SMIM14: variants seen among roughly 807,000 people sequenced by gnomAD.
SMIM14 encodes small integral membrane protein 14.
SMIM14 carries 5 observed loss-of-function variants against 12.6 expected under a neutral mutation model. The observed-to-expected ratio is 0.40, with a 90% confidence interval of 0.21 to 0.83. The LOEUF (loss-of-function observed/expected upper bound fraction) is 0.83, where lower values mean the gene tolerates loss of function less well. Among genes scored for constraint, SMIM14 ranks in the 40% least tolerant of loss-of-function variants. The pLI is 0.37. For synonymous variants in SMIM14, 30 were observed against 40.1 expected (o/e 0.75, Z 0.95); for missense variants, 86 against 119.1 (o/e 0.72, Z 1.29).
At chr4:39,562,617 T>G (rs1042476104) in intron 3 of SMIM14, among the ~76,000 whole-genome samples, 7 of 151,982 alleles carry the variant, frequency 4.6e-5, no homozygotes, top group Admixed American at 2.6e-4. Flanking sequence ...GCCTCCTGAG[T>G]AGCTGAAATT....
chr4:39,562,150 G>C (rs1310662427), intron 3 of SMIM14, among the ~76,000 whole-genome samples: 1 of 152,036 alleles, frequency 6.6e-6, no homozygotes, highest in South Asian at 2.1e-4. Flanking sequence ...GAGGCAGGAG[G>C]ATCCCTGGAG....
chr4:39,565,001 C>T lies in SMIM14; in HGVS notation c.124+7414G>A, dbSNP rs1207411419. 3.9e-5 allele frequency among the ~76,000 whole-genome samples: 6 copies of T among 152,196 alleles called. No individual in the cohort carries two copies. In the South Asian group the frequency reaches 1.2e-3, roughly 32 times the overall value. ...CTGAGGTGGGAGAATCACTTGAGGC[C>T]AGGAGTTCAAGACCAGCCTTGGCAA... On this transcript the variant is annotated intron_variant, in intron 3 of 4. Coordinates refer to ENST00000295958, the MANE Select transcript of SMIM14 (RefSeq NM_174921.3).
intron 1 of SMIM14, among the ~76,000 whole-genome samples, chr4:39,613,055 T>C (rs191957956): frequency 1.3e-5 from 2 of 152,282 alleles, no homozygotes; most frequent in East Asian, 1.9e-4. Context: ...TTGTAAAACA[T>C]GGCTATTTTA....
At chr4:39,601,926 G>A (rs1301567334) in intron 2 of SMIM14, among the ~76,000 whole-genome samples, 25 of 136,000 alleles carry the variant, frequency 1.8e-4, no homozygotes, top group Admixed American at 7.0e-4. Flanking sequence ...CAGCCTGGGG[G>A]AAAAGAATAA....
intron 2 of SMIM14, among the ~76,000 whole-genome samples, chr4:39,587,763 G>A (rs1713859949): frequency 6.6e-6 from 1 of 152,022 alleles, no homozygotes; most frequent in African/African-American, 2.4e-5. Context: ...GAAGAAAGGA[G>A]GAAGAAGGAA....
At chr4:39,592,048 T>C (rs1235657978) in intron 2 of SMIM14, among the ~76,000 whole-genome samples, 1 of 151,752 alleles carries the variant, frequency 6.6e-6, no homozygotes, top group East Asian at 1.9e-4. Flanking sequence ...ATACAAAAAT[T>C]AGCCAGGCAC....
At position 39,573,101 on chromosome 4, in the gene SMIM14, TTTA is replaced by T. The variant is rs1009233168; in HGVS notation, c.76-641_76-639del. Reference sequence around the variant, plus strand: ...TTTTTATTATTATTATTATTATTATTTTATTATTATTATTATTTAGTTTCGCTC... The same window carrying T: ...TTTTTATTATTATTATTATTATTATTTTATTATTATTATTTAGTTTCGCTC... On this transcript the variant is annotated intron_variant, in intron 2 of 4. Transcript: ENST00000295958. Among the ~76,000 whole-genome samples, 731 of 145,442 alleles carry T rather than the reference TTTA, an allele frequency of 5.0e-3. 10 individuals are homozygous for T. Among genetic ancestry groups the T allele is most frequent in the African/African-American group, 0.018 (677 of 36,624 alleles).
intron 1 of SMIM14, among the ~76,000 whole-genome samples, chr4:39,628,136 G>A (rs151069160): frequency 0.012 from 1,759 of 151,580 alleles, 14 homozygotes; most frequent in Non-Finnish European, 0.019. Flanking sequence ...GTGAAACGCC[G>A]CCTCGACTAA....
At chr4:39,634,194 T>G (rs1420017105) in intron 1 of SMIM14, among the ~76,000 whole-genome samples, 3 of 152,226 alleles carry the variant, frequency 2.0e-5, no homozygotes, top group Admixed American at 2.0e-4. Context: ...CCCAAAGTGC[T>G]GGGATTACAG....
intron 2 of SMIM14, among the ~76,000 whole-genome samples, chr4:39,602,261 A>T (rs77575023): frequency 6.7e-6 from 1 of 148,426 alleles, no homozygotes; most frequent in Non-Finnish European, 1.5e-5. Flanking sequence ...AAAAAAAAAA[A>T]TGATGATAAT....
intron 2 of SMIM14, among the ~76,000 whole-genome samples, chr4:39,601,464 C>T (rs141344287): frequency 1.5e-3 from 227 of 152,318 alleles, no homozygotes; most frequent in African/African-American, 5.3e-3. Context: ...TATACTGTAT[C>T]AGTAACTACA....
intron 2 of SMIM14, among the ~76,000 whole-genome samples, chr4:39,590,812 A>T (rs1458166125): frequency 6.6e-6 from 1 of 152,086 alleles, no homozygotes; most frequent in Non-Finnish European, 1.5e-5. Context: ...AAAAAAAAAA[A>T]AAAAAAATTC....
At chr4:39,568,053 G>A (rs949252884) in intron 3 of SMIM14, among the ~76,000 whole-genome samples, 11 of 152,192 alleles carry the variant, frequency 7.2e-5, no homozygotes, top group African/African-American at 2.6e-4. Flanking sequence ...GGAGGTGGGT[G>A]GATCACTTGA....
chr4:39,578,368 T>C (rs545410485), intron 2 of SMIM14, among the ~76,000 whole-genome samples: 1 of 152,334 alleles, frequency 6.6e-6, no homozygotes, highest in Non-Finnish European at 1.5e-5. Flanking sequence ...ATTTACAATG[T>C]ATCTCAATTT....
chr4:39,564,040 G>A (rs1712454961), intron 3 of SMIM14, among the ~76,000 whole-genome samples: 1 of 152,002 alleles, frequency 6.6e-6, no homozygotes, highest in South Asian at 2.1e-4. Flanking sequence ...CAATTCCCCT[G>A]CCTCACAAAT....
intron 1 of SMIM14, among the ~76,000 whole-genome samples, chr4:39,606,737 C>T (rs547779171): frequency 6.6e-6 from 1 of 152,066 alleles, no homozygotes; most frequent in Admixed American, 6.6e-5. Flanking sequence ...ATCACTGGCC[C>T]AGTTTACTGC....
At chr4:39,596,252 C>T (rs1578343548) in intron 2 of SMIM14, among the ~76,000 whole-genome samples, 1 of 152,046 alleles carries the variant, frequency 6.6e-6, no homozygotes, top group South Asian at 2.1e-4. Context: ...TGTGCCACCA[C>T]GCCTGGCTAA....
chr4:39,632,711 G>A (rs1269448862), intron 1 of SMIM14, among the ~76,000 whole-genome samples: 2 of 150,932 alleles, frequency 1.3e-5, no homozygotes, highest in African/African-American at 4.9e-5. Flanking sequence ...CTGGGAGGTG[G>A]AGGCTGCAAT....
rs904924021 is a variant in SMIM14 at position 39,547,461 on chromosome 4, T to C, written c.*4665A>G. 4.6e-5 allele frequency: 7 copies of C among 152,240 alleles called. No individual in the cohort carries two copies. The highest frequency in any genetic ancestry group is 1.7e-4 in the African/African-American group (7 of 41,464). The allele number at this position is 152,240 out of a possible 1,614,324, so 9.4% of individuals were successfully genotyped here. On this transcript the variant is annotated 3_prime_UTR_variant, in exon 5 of 5. Transcript: ENST00000295958. Reference sequence around the variant, plus strand: ...TAAAATCAGTAATTAACATTTAGCATATCACACGACCACTTTTGCTTTTAA... The same window carrying C: ...TAAAATCAGTAATTAACATTTAGCACATCACACGACCACTTTTGCTTTTAA...
Sources: allele counts gnomAD v4.1 joint callset (sites outside exome capture counted in the v4.1 genomes callset), GRCh38; gene constraint gnomAD v4.1.1; transcripts MANE v1.5; gene names NCBI Gene and HGNC (gene_info 2026-07-23, HGNC 2026-07-21).